The following TUSC3 variants were observed in gnomAD, a reference collection of about 807,000 sequenced individuals.
TUSC3 encodes the protein tumor suppressor candidate 3.
TUSC3 carries 45 observed loss-of-function variants against 44.8 expected under a neutral mutation model. The observed-to-expected ratio is 1.00, with a 90% CI of 0.79 to 1.29. TUSC3 has a LOEUF of 1.29. TUSC3 is among the 50% of genes most tolerant of loss of function. The pLI is 0.00. For missense variants in TUSC3, 519 were observed against 437.9 expected, an observed-to-expected ratio of 1.19 and a Z score of -1.65; for synonymous variants, 212 against 152.9, an observed-to-expected ratio of 1.39 and a Z score of -2.85.
chr8:15,682,119 T>A (rs530565189), intron 6 of TUSC3, among the ~76,000 whole-genome samples: 1 of 152,322 alleles, frequency 6.6e-6, no homozygotes, highest in Non-Finnish European at 1.5e-5. Flanking sequence ...CATGTTCAGA[T>A]GAGAAGAATG....
chr8:15,780,915 G>A, the TUSC3 span, among the ~76,000 whole-genome samples: 2 of 152,198 alleles, frequency 1.3e-5, no homozygotes, highest in Non-Finnish European at 2.9e-5. Flanking sequence ...TGTATCCTTG[G>A]GAATAGAATA....
chr8:15,616,969 C>G lies in TUSC3; in HGVS notation c.139-6111C>G, dbSNP rs138287818. 4.9e-4 allele frequency among the ~76,000 whole-genome samples: 74 copies of G among 152,248 alleles called. 1 individual carries two copies. Among genetic ancestry groups the G allele is most frequent in the African/African-American group, 1.7e-3 (71 of 41,558 alleles). ...CAGAATGAGCCCAGCAAAGCCTGAT[C>G]AGAGGCGCTGCTTGCTGGCCACAGA... On this transcript the variant is annotated intron_variant, in intron 1 of 10. Coordinates refer to ENST00000503731, the MANE Select transcript of TUSC3 (RefSeq NM_006765.4).
chr8:15,567,159 T>G (rs1295521110), intron 1 of TUSC3, among the ~76,000 whole-genome samples: 2 of 152,172 alleles, frequency 1.3e-5, no homozygotes, highest in Non-Finnish European at 2.9e-5. Flanking sequence ...TCCAAGATTC[T>G]TTGAACTCTG....
intron 6 of TUSC3, among the ~76,000 whole-genome samples, chr8:15,717,869 C>G (rs528701415): frequency 6.6e-6 from 1 of 152,166 alleles, no homozygotes; most frequent in Admixed American, 6.6e-5. Context: ...ACATCATATT[C>G]TGCTAAATCT....
At chr8:15,742,372 A>G (rs1293684751) in intron 7 of TUSC3, among the ~76,000 whole-genome samples, 1 of 152,214 alleles carries the variant, frequency 6.6e-6, no homozygotes, top group African/African-American at 2.4e-5. Flanking sequence ...GGAAGCATAA[A>G]TGCCTTACTA....
At chr8:15,503,458 C>T (rs1159135307) in intron 2 of TUSC3, among the ~76,000 whole-genome samples, 1 of 152,000 alleles carries the variant, frequency 6.6e-6, no homozygotes, top group South Asian at 2.1e-4. Context: ...TTCTTCTGCC[C>T]TATGATCTGA....
chr8:15,549,459 A>G (rs1217782383), intron 1 of TUSC3, among the ~76,000 whole-genome samples: 2 of 151,818 alleles, frequency 1.3e-5, no homozygotes, highest in South Asian at 2.1e-4. Context: ...GGCGTGAGCC[A>G]CCATGCTCGG....
chr8:15,767,529 A>C (rs555174678), downstream of TUSC3, among the ~76,000 whole-genome samples: 1 of 151,854 alleles, frequency 6.6e-6, no homozygotes, highest in African/African-American at 2.4e-5. Context: ...AAAATGCTTA[A>C]ATTAAAAAAG....
At chr8:15,736,291 A>G (rs77180247) in intron 7 of TUSC3, among the ~76,000 whole-genome samples, 3,039 of 152,298 alleles carry the variant, frequency 0.02, 105 homozygotes, top group African/African-American at 0.068. Context: ...AAAGTTTTCA[A>G]ATGTCCAAAA....
chr8:15,631,123 A>G (rs564606626), intron 2 of TUSC3, among the ~76,000 whole-genome samples: 5 of 152,034 alleles, frequency 3.3e-5, no homozygotes, highest in Admixed American at 2.0e-4. Flanking sequence ...TGCCTTTTAC[A>G]TGTTCTTTTT....
At chr8:15,486,172 T>C (rs1403626183) in intron 2 of TUSC3, among the ~76,000 whole-genome samples, 2 of 152,132 alleles carry the variant, frequency 1.3e-5, no homozygotes, top group Admixed American at 6.5e-5. Context: ...AGTGACGTGA[T>C]TGGTCATTGC....
chr8:15,421,032 C>G (rs975059275), intron 1 of TUSC3, among the ~76,000 whole-genome samples: 2 of 152,164 alleles, frequency 1.3e-5, no homozygotes, highest in Non-Finnish European at 2.9e-5. Flanking sequence ...GAACTCTGCA[C>G]TTATATATCC....
chr8:15,474,796 G>A (rs1800552496), intron 1 of TUSC3, among the ~76,000 whole-genome samples: 1 of 152,156 alleles, frequency 6.6e-6, no homozygotes, highest in East Asian at 1.9e-4. Flanking sequence ...AGAAGTTGGT[G>A]TTTATTTCAC....
intron 1 of TUSC3, among the ~76,000 whole-genome samples, chr8:15,463,171 A>G (rs1563257820): frequency 1.3e-5 from 2 of 152,094 alleles, no homozygotes; most frequent in Non-Finnish European, 1.5e-5. Flanking sequence ...TAAGTTTGCA[A>G]CTGAGTAATT....
intron 6 of TUSC3, among the ~76,000 whole-genome samples, chr8:15,687,303 G>C (rs1808678399): frequency 6.6e-6 from 1 of 152,080 alleles, no homozygotes; most frequent in South Asian, 2.1e-4. Context: ...ATATCGGTTA[G>C]CCTCAAGTCT....
chr8:15,732,567 A>G (rs1288115436), intron 7 of TUSC3, among the ~76,000 whole-genome samples: 1 of 60,354 alleles, frequency 1.7e-5, no homozygotes, highest in East Asian at 9.5e-4. Context: ...ATGACCAGGA[A>G]AAAAAAAATC....
chr8:15,661,663 A>T lies in TUSC3; in HGVS notation c.568-493A>T, dbSNP rs1026175862. 3.9e-5 allele frequency among the ~76,000 whole-genome samples: 6 copies of T among 151,968 alleles called. No individual in the cohort carries two copies. The South Asian group carries it at 6.2e-4, about 16-fold the overall frequency. On this transcript the variant is annotated intron_variant, in intron 4 of 10. Transcript: ENST00000503731. ...CTCCTTTGTAATTAATAAGCTGTCT[A>T]TGTGGATATAGTAAGTAGTAAAAGC...
intron 1 of TUSC3, among the ~76,000 whole-genome samples, chr8:15,620,090 T>A (rs1805176963): frequency 6.6e-6 from 1 of 152,106 alleles, no homozygotes; most frequent in Non-Finnish European, 1.5e-5. Context: ...CAAATTAAAA[T>A]AAGATACCAT....
At chr8:15,714,812 A>G (rs909873898) in intron 6 of TUSC3, among the ~76,000 whole-genome samples, 37 of 152,214 alleles carry the variant, frequency 2.4e-4, no homozygotes, top group Non-Finnish European at 1.0e-4. Flanking sequence ...TGAGAGCTAC[A>G]TAACCAATTC....
Sources: allele counts gnomAD v4.1 joint callset (sites outside exome capture counted in the v4.1 genomes callset), GRCh38; gene constraint gnomAD v4.1.1; transcripts MANE v1.5; gene names NCBI Gene and HGNC (gene_info 2026-07-23, HGNC 2026-07-21).